Variants in CSMD1 observed in about 807,000 individuals in gnomAD.
CSMD1 encodes CUB and sushi domain-containing protein 1.
CSMD1 carries 213 observed loss-of-function variants against 417.5 expected under a neutral mutation model. The ratio of observed to expected loss-of-function variants is 0.51; its 90% confidence interval spans 0.46 to 0.57. The LOEUF (loss-of-function observed/expected upper bound fraction) is 0.57, where lower values mean the gene tolerates loss of function less well. Among genes scored for constraint, CSMD1 ranks in the 20% least tolerant of loss-of-function variants. The probability of loss-of-function intolerance (pLI) is 0.00; values close to 1 mark genes in which losing one functional copy is unlikely to be tolerated. For missense variants in CSMD1, 6,923 were observed against 4,529.7 expected, an observed-to-expected ratio of 1.53 and a Z score of -15.17; for synonymous variants, 2,862 against 1,736.8, an observed-to-expected ratio of 1.65 and a Z score of -16.11.
chr8:3,155,359 A>ATGTTTTTTTTTTTTT (rs1819453406), intron 39 of CSMD1, among the ~76,000 whole-genome samples: 1 of 43,316 alleles, frequency 2.3e-5, no homozygotes, highest in Non-Finnish European at 4.7e-5. Flanking sequence ...CAAGGCTGGG[A>ATGTTTTTTTTTTTTT]TTTTTTTTTT....
intron 5 of CSMD1, among the ~76,000 whole-genome samples, chr8:3,852,536 G>C (rs983558794): frequency 4.6e-5 from 7 of 152,184 alleles, no homozygotes; most frequent in African/African-American, 1.7e-4. Context: ...ATAGTAGATG[G>C]TGTTAGGGAT....
chr8:3,339,354 T>C (rs542467122), intron 23 of CSMD1, among the ~76,000 whole-genome samples: 3 of 152,178 alleles, frequency 2.0e-5, no homozygotes, highest in African/African-American at 7.2e-5. Context: ...TGGGTTCTCT[T>C]CTCTATCAAA....
intron 37 of CSMD1, among the ~76,000 whole-genome samples, chr8:3,166,162 A>T (rs942755482): frequency 6.6e-6 from 1 of 152,174 alleles, no homozygotes; most frequent in East Asian, 1.9e-4. Flanking sequence ...TTCTCTTTTT[A>T]GACTTTTAAA....
intron 2 of CSMD1, among the ~76,000 whole-genome samples, chr8:4,618,177 A>G (rs528601122): frequency 9.2e-5 from 14 of 152,272 alleles, no homozygotes; most frequent in African/African-American, 3.4e-4. Flanking sequence ...ACCACCCATA[A>G]GATGTGCATG....
intron 4 of CSMD1, among the ~76,000 whole-genome samples, chr8:4,023,132 T>C (rs1043480750): frequency 1.3e-5 from 2 of 152,172 alleles, no homozygotes; most frequent in Non-Finnish European, 2.9e-5. Flanking sequence ...TGCACTCTAA[T>C]GTGTGGAGGA....
chr8:4,253,373 C>T (rs183483069), intron 3 of CSMD1, among the ~76,000 whole-genome samples: 103 of 148,708 alleles, frequency 6.9e-4, no homozygotes, highest in Non-Finnish European at 8.9e-4. Context: ...CATTTAAATG[C>T]ATTTTTTTCA....
chr8:4,580,200 G>C (rs990011648), intron 2 of CSMD1, among the ~76,000 whole-genome samples: 3 of 152,324 alleles, frequency 2.0e-5, no homozygotes, highest in African/African-American at 7.2e-5. Context: ...TCTAGCCTGA[G>C]CTTGCCCCCT....
intron 5 of CSMD1, among the ~76,000 whole-genome samples, chr8:3,827,077 A>T (rs1319587087): frequency 6.6e-6 from 1 of 152,216 alleles, no homozygotes; most frequent in Non-Finnish European, 1.5e-5. Context: ...CCACCAAGCC[A>T]GCCTAGAAAC....
rs116412298 is a variant in CSMD1 at position 3,803,544 on chromosome 8, C to T, written c.819-49502G>A. Among the ~76,000 whole-genome samples, 934 of 152,220 alleles carry T rather than the reference C, an allele frequency of 6.1e-3. 11 individuals are homozygous for T. The highest frequency in any genetic ancestry group is 0.021 in the African/African-American group (862 of 41,538). On this transcript the variant is annotated intron_variant, in intron 5 of 69. Transcript: ENST00000635120. ...AGGGGCTGGGCCCAGGACAGAGGTA[C>T]GCAGGAGCCCACAGGTGGGAAAGGC... is the stretch of plus-strand genomic sequence containing the variant.
At chr8:4,936,440 G>A (rs1008652090) in intron 1 of CSMD1, among the ~76,000 whole-genome samples, 1 of 152,060 alleles carries the variant, frequency 6.6e-6, no homozygotes, top group Non-Finnish European at 1.5e-5. Flanking sequence ...AAAAATAGAA[G>A]GATTTTTGTC....
At position 3,499,074 on chromosome 8, in the gene CSMD1, T is replaced by C. The variant is rs183169648; in HGVS notation, c.1345-5348A>G. On this transcript the variant is annotated intron_variant, in intron 10 of 69. Transcript: ENST00000635120. Reference sequence around the variant, plus strand: ...TGTTTCTTGCTTTTTAGACATTTCTTGTGTTCCTACATTAGTATCTATACA... The same window carrying C: ...TGTTTCTTGCTTTTTAGACATTTCTCGTGTTCCTACATTAGTATCTATACA... Among the ~76,000 whole-genome samples the C allele has an allele frequency of 1.8e-3, 272 of 152,310 alleles. 3 individuals carry two copies. Among genetic ancestry groups the C allele is most frequent in the Admixed American group, 0.016 (239 of 15,302 alleles).
intron 12 of CSMD1, among the ~76,000 whole-genome samples, chr8:3,449,858 T>G (rs530045773): frequency 6.6e-6 from 1 of 152,212 alleles, no homozygotes; most frequent in Non-Finnish European, 1.5e-5. Flanking sequence ...TGTAAAGTTT[T>G]AAGCCTCACG....
intron 3 of CSMD1, among the ~76,000 whole-genome samples, chr8:4,412,172 A>G (rs560055089): frequency 3.3e-5 from 5 of 152,252 alleles, no homozygotes; most frequent in Non-Finnish European, 7.3e-5. Context: ...TATAGTTCGG[A>G]TATCTGTCAA....
At chr8:3,552,848 A>C (rs1196247859) in intron 10 of CSMD1, among the ~76,000 whole-genome samples, 1 of 152,172 alleles carries the variant, frequency 6.6e-6, no homozygotes, top group East Asian at 1.9e-4. Context: ...CTTTTAAATT[A>C]AGTTATAAAA....
chr8:3,259,213 A>G (rs1209473442), intron 26 of CSMD1, among the ~76,000 whole-genome samples: 8 of 152,236 alleles, frequency 5.3e-5, no homozygotes, highest in African/African-American at 1.7e-4. Flanking sequence ...ACACCTAAAT[A>G]ATCTGAAAGG....
rs543936852 is a variant in CSMD1, at chr8:4,404,664, C to T, written c.415+15289G>A. Among the ~76,000 whole-genome samples, 35 of 152,082 alleles carry T rather than the reference C, an allele frequency of 2.3e-4. No homozygotes were observed. The East Asian group carries it at 6.4e-3, about 28-fold the overall frequency. On this transcript the variant is annotated intron_variant, in intron 3 of 69. Coordinates refer to ENST00000635120, the MANE Select transcript of CSMD1 (RefSeq NM_033225.6). The stretch of plus-strand genomic sequence containing the variant: ...TTATATTAAATCCATTAATATTTAT[C>T]TTACACTATATTAAACTTATGTTTA...
At chr8:3,023,702 A>G (rs1033239031) in intron 51 of CSMD1, among the ~76,000 whole-genome samples, 1 of 152,142 alleles carries the variant, frequency 6.6e-6, no homozygotes, top group African/African-American at 2.4e-5. Flanking sequence ...TGTGATTAAT[A>G]GGTGATCAAG....
rs139781717 is a variant in CSMD1 at position 3,264,552 on chromosome 8, G to A, written c.4153+19592C>T. ...ATTTACCACGTAATGCTTCCCTGGA[G>A]TGGATATGCCTCTAGAACAGAGAAT... On this transcript the variant is annotated intron_variant, in intron 26 of 69. Coordinates refer to ENST00000635120, the MANE Select transcript of CSMD1 (RefSeq NM_033225.6). Among the ~76,000 whole-genome samples the A allele has an allele frequency of 4.6e-3, 708 of 152,298 alleles. 2 individuals are homozygous for A. Among genetic ancestry groups the A allele is most frequent in the Middle Eastern group, 0.02 (6 of 294 alleles).
chr8:3,342,937 C>T (rs1807756421), intron 23 of CSMD1, among the ~76,000 whole-genome samples: 1 of 151,660 alleles, frequency 6.6e-6, no homozygotes, highest in Non-Finnish European at 1.5e-5. Context: ...CTATTACCTC[C>T]GGTTGTATCA....
Sources: allele counts gnomAD v4.1 joint callset (sites outside exome capture counted in the v4.1 genomes callset), GRCh38; gene constraint gnomAD v4.1.1; transcripts MANE v1.5; gene names NCBI Gene and HGNC (gene_info 2026-07-23, HGNC 2026-07-21).